The following ERG variants were observed in gnomAD, a reference collection of about 807,000 sequenced individuals.
ERG encodes the protein ETS transcription factor ERG, also known as transcriptional regulator ERG.
ERG carries 9 observed loss-of-function variants against 55.3 expected under a neutral mutation model. That is an observed-to-expected ratio of 0.16 (90% CI 0.10 to 0.28). The LOEUF is 0.28. Ranked by LOEUF, ERG falls within the 10% of genes least tolerant of loss-of-function variation. The pLI is 1.00. For missense variants in ERG, 434 were observed against 631.6 expected (o/e 0.69, Z 3.35); for synonymous variants, 223 against 237.3 (o/e 0.94, Z 0.55).
At chr21:38,420,004 G>A (rs926204254) in intron 3 of ERG, among the ~76,000 whole-genome samples, 2 of 151,268 alleles carry the variant, frequency 1.3e-5, no homozygotes, top group African/African-American at 4.9e-5. Context: ...TATTGATGAT[G>A]GTACAAATGT....
intron 1 of ERG, among the ~76,000 whole-genome samples, chr21:38,629,268 C>T (rs16996607): frequency 0.029 from 4,405 of 152,292 alleles, 198 homozygotes; most frequent in African/African-American, 0.097. Context: ...TGCTCCTAAA[C>T]CAGAGGCAAT....
At chr21:38,458,046 C>G (rs1319282647) in intron 1 of ERG, among the ~76,000 whole-genome samples, 2 of 152,156 alleles carry the variant, frequency 1.3e-5, no homozygotes, top group African/African-American at 4.8e-5. Context: ...GTTGGGAAAC[C>G]ACTTCTGCCA....
At chr21:38,490,612 G>T (rs368413580) in intron 1 of ERG, among the ~76,000 whole-genome samples, 11 of 152,208 alleles carry the variant, frequency 7.2e-5, no homozygotes, top group African/African-American at 2.4e-4. Context: ...GATCCGATAG[G>T]GGCACTGCTG....
chr21:38,605,617 G>C (rs1163064412), intron 1 of ERG, among the ~76,000 whole-genome samples: 1 of 152,190 alleles, frequency 6.6e-6, no homozygotes, highest in Non-Finnish European at 1.5e-5. Flanking sequence ...TGGGTCACAA[G>C]TGCAAGTCCT....
chr21:38,392,500 G>T, intron 6 of ERG, 56 bp from the exon 7 acceptor site: 1 of 1,258,710 alleles, frequency 7.9e-7, no homozygotes, highest in Non-Finnish European at 1.1e-6. Context: ...TATAAGAGAT[G>T]CTTTGGTTTT....
At chr21:38,556,337 C>T (rs376026654) in intron 2 of ERG, among the ~76,000 whole-genome samples, 5 of 151,938 alleles carry the variant, frequency 3.3e-5, no homozygotes, top group African/African-American at 9.7e-5. Flanking sequence ...TATATATAAT[C>T]TTTACTTTTT....
chr21:38,440,558 C>G (rs2298335), intron 2 of ERG, among the ~76,000 whole-genome samples: 1 of 151,896 alleles, frequency 6.6e-6, no homozygotes, highest in Non-Finnish European at 1.5e-5. Flanking sequence ...TGGTGGCTCA[C>G]GCTTGTAATC....
chr21:38,518,662 G>T (rs933490494), intron 2 of ERG, among the ~76,000 whole-genome samples: 2 of 151,966 alleles, frequency 1.3e-5, no homozygotes, highest in Admixed American at 1.3e-4. Context: ...AATATGACAA[G>T]CAAAAACTAT....
intron 9 of ERG, among the ~76,000 whole-genome samples, chr21:38,384,556 G>A (rs565208478): frequency 6.6e-6 from 1 of 152,160 alleles, no homozygotes; most frequent in African/African-American, 2.4e-5. Flanking sequence ...GGTGTTTAGG[G>A]GATGAAAGAG....
intron 1 of ERG, among the ~76,000 whole-genome samples, chr21:38,474,753 GTTA>G (rs1907028980): frequency 6.7e-6 from 1 of 148,852 alleles, no homozygotes; most frequent in Non-Finnish European, 1.5e-5. Context: ...TTGTCTGTTC[GTTA>G]TTTTTTGGAG....
chr21:38,595,374 GC>G (rs2060124869), intron 1 of ERG, among the ~76,000 whole-genome samples: 1 of 152,202 alleles, frequency 6.6e-6, no homozygotes, highest in Middle Eastern at 3.2e-3. Context: ...ACATGTCAGA[GC>G]CTGGTGGCCA....
At chr21:38,449,827 A>C (rs189427950) in intron 1 of ERG, among the ~76,000 whole-genome samples, 1 of 152,280 alleles carries the variant, frequency 6.6e-6, no homozygotes, top group East Asian at 1.9e-4. Flanking sequence ...CTCTTTTGAA[A>C]ATTTGGGAGT....
At position 38,405,109 on chromosome 21, in the gene ERG, T is replaced by C. The variant is rs116064801; in HGVS notation, c.389-1400A>G. 6.0e-3 allele frequency among the ~76,000 whole-genome samples: 909 copies of C among 152,302 alleles called. 10 individuals are homozygous for C. Among genetic ancestry groups the C allele is most frequent in the African/African-American group, 0.021 (873 of 41,558 alleles). On this transcript the variant is annotated intron_variant, in intron 3 of 9. Coordinates refer to ENST00000288319, the MANE Select transcript of ERG (RefSeq NM_182918.4). ...ATTCCATTCTCCTACTGCAAACACC[T>C]ATCCTGAAGTTAGTAGCTAGTGGTT...
chr21:38,578,390 T>G (rs1428327381), intron 1 of ERG, among the ~76,000 whole-genome samples: 2 of 152,226 alleles, frequency 1.3e-5, no homozygotes, highest in African/African-American at 2.4e-5. Context: ...CAACTCCTCC[T>G]GTACCCATGC....
intron 3 of ERG, among the ~76,000 whole-genome samples, chr21:38,421,932 A>G (rs1464833189): frequency 3.9e-5 from 6 of 152,202 alleles, no homozygotes; most frequent in African/African-American, 1.2e-4. Context: ...GGCTCACTGC[A>G]ACCTCTGCCT....
At chr21:38,397,758 T>G (rs1010703587) in intron 6 of ERG, among the ~76,000 whole-genome samples, 2 of 151,936 alleles carry the variant, frequency 1.3e-5, no homozygotes, top group African/African-American at 4.8e-5. Flanking sequence ...AACACACATG[T>G]GTAGGAGTCT....
At position 38,381,248 on chromosome 21, in the gene ERG, A is replaced by G; in HGVS notation, c.*2155T>C. The G allele has an allele frequency of 1.9e-6, 2 of 1,065,446 alleles. No homozygotes were observed. The highest frequency in any genetic ancestry group is 2.3e-6 in the Non-Finnish European group (2 of 879,344). 66.0% of individuals were successfully genotyped at this position (1,065,446 alleles called of 1,614,324 possible). A position where few individuals can be genotyped will look rare whatever the true frequency, so the allele number is the denominator to read the frequency against. ...CCCTGAAACAGCTATGAAAAGGGCC[A>G]GTTCAGAAACCTATTCAGCTAAGAT... On this transcript the variant is annotated 3_prime_UTR_variant, in exon 10 of 10. Coordinates refer to ENST00000288319, the MANE Select transcript of ERG (RefSeq NM_182918.4).
intron 2 of ERG, among the ~76,000 whole-genome samples, chr21:38,522,902 G>A (rs1402776110): frequency 6.6e-6 from 1 of 152,204 alleles, no homozygotes; most frequent in East Asian, 1.9e-4. Context: ...ATATGATGGA[G>A]ACAGAATAAC....
the ERG span, chr21:38,367,611 T>A: frequency 1.9e-6 from 1 of 525,190 alleles, no homozygotes; most frequent in Non-Finnish European, 3.7e-6. Flanking sequence ...TCACATCTGC[T>A]ATATTCTATT....
Sources: allele counts gnomAD v4.1 joint callset (sites outside exome capture counted in the v4.1 genomes callset), GRCh38; gene constraint gnomAD v4.1.1; transcripts MANE v1.5; gene names NCBI Gene and HGNC (gene_info 2026-07-23, HGNC 2026-07-21).